FER: variants seen among roughly 807,000 people sequenced by gnomAD.
The protein encoded by FER is tyrosine-protein kinase Fer.
In FER, 63 loss-of-function variants were observed where a neutral mutation model predicts 111.0. The observed-to-expected ratio is 0.57, with a 90% CI of 0.46 to 0.70. FER has a LOEUF of 0.70. FER is among the 30% of genes least tolerant of loss of function. The pLI is 0.00. For missense variants in FER, 914 were observed against 954.0 expected (o/e 0.96, Z 0.55); for synonymous variants, 327 against 313.9 (o/e 1.04, Z -0.44).
At chr5:108,887,252 T>A (rs1011975867) in intron 9 of FER, among the ~76,000 whole-genome samples, 1 of 151,722 alleles carries the variant, frequency 6.6e-6, no homozygotes, top group African/African-American at 2.4e-5. Flanking sequence ...ACAGTATTTG[T>A]TGTATCAAAA....
chr5:109,021,302 C>A (rs1353801978), intron 13 of FER, among the ~76,000 whole-genome samples: 5 of 151,930 alleles, frequency 3.3e-5, no homozygotes, highest in African/African-American at 1.2e-4. Flanking sequence ...TGTTGACTTC[C>A]CTGTGTGAAG....
At chr5:109,049,971 A>C (rs1333590317) in intron 16 of FER, among the ~76,000 whole-genome samples, 1 of 152,228 alleles carries the variant, frequency 6.6e-6, no homozygotes, top group Non-Finnish European at 1.5e-5. Flanking sequence ...TCAGAATACA[A>C]GTTCTGAATT....
intron 19 of FER, among the ~76,000 whole-genome samples, chr5:109,187,189 A>G (rs1184975080): frequency 1.3e-5 from 2 of 152,240 alleles, no homozygotes; most frequent in African/African-American, 4.8e-5. Flanking sequence ...TGTATCTTAC[A>G]TCAGACTTTC....
chr5:108,853,639 C>G (rs1035709387), intron 5 of FER, among the ~76,000 whole-genome samples: 1 of 152,138 alleles, frequency 6.6e-6, no homozygotes, highest in Non-Finnish European at 1.5e-5. Context: ...ATTTGAAGAT[C>G]AGTACAGATA....
chr5:108,881,935 G>A (rs988696434), intron 8 of FER, among the ~76,000 whole-genome samples: 3 of 152,058 alleles, frequency 2.0e-5, no homozygotes, highest in Non-Finnish European at 4.4e-5. Flanking sequence ...ACATATGCAT[G>A]TATATGTATT....
At chr5:109,047,436 A>C (rs1272001283) in intron 16 of FER, among the ~76,000 whole-genome samples, 1 of 152,216 alleles carries the variant, frequency 6.6e-6, no homozygotes, top group Non-Finnish European at 1.5e-5. Context: ...GAATATAGTT[A>C]CACATGGAAT....
At chr5:108,845,191 A>T (rs930090598) in intron 5 of FER, among the ~76,000 whole-genome samples, 2 of 148,890 alleles carry the variant, frequency 1.3e-5, no homozygotes, top group Non-Finnish European at 1.5e-5. Flanking sequence ...TGTTTTTTTT[A>T]CATGGTGTCT....
At chr5:109,015,394 G>T (rs1489970546) in intron 13 of FER, among the ~76,000 whole-genome samples, 1 of 151,938 alleles carries the variant, frequency 6.6e-6, no homozygotes, top group Non-Finnish European at 1.5e-5. Flanking sequence ...AGAAGCAAAC[G>T]TGTGACTTTT....
At chr5:108,866,694 A>G (rs1360697380) in intron 5 of FER, among the ~76,000 whole-genome samples, 1 of 152,300 alleles carries the variant, frequency 6.6e-6, no homozygotes, top group African/African-American at 2.4e-5. Flanking sequence ...ATTAAAAAAA[A>G]AGATCTGTTT....
intron 13 of FER, among the ~76,000 whole-genome samples, chr5:109,023,962 C>T (rs932931015): frequency 6.6e-6 from 1 of 152,120 alleles, no homozygotes; most frequent in East Asian, 1.9e-4. Context: ...ATATGTTAGG[C>T]ACTGACTGAG....
At chr5:108,820,445 G>A in intron 3 of FER, 1 of 985,422 alleles carries the variant, frequency 1.0e-6, no homozygotes, top group Non-Finnish European at 1.2e-6. Flanking sequence ...AGAAGAACAA[G>A]AAAGGTGGCC....
intron 19 of FER, among the ~76,000 whole-genome samples, chr5:109,186,638 A>G (rs1758900083): frequency 6.6e-6 from 1 of 152,206 alleles, no homozygotes; most frequent in Non-Finnish European, 1.5e-5. Context: ...ATTCTATGCC[A>G]GATAAACCTC....
intron 13 of FER, among the ~76,000 whole-genome samples, chr5:108,998,252 G>A (rs1326266947): frequency 6.6e-6 from 1 of 151,696 alleles, no homozygotes; most frequent in Admixed American, 6.6e-5. Flanking sequence ...CCAGTCTTGT[G>A]GTTGAAACTC....
chr5:108,992,499 G>C lies in FER; in HGVS notation c.1656+33152G>C, dbSNP rs969596774. ...TCCCGGACGGGGTGGCTGGCCGGGCGGGGGGCTGACCCCCCACCTCCCTCC... is the reference window on the plus strand; with the variant it reads ...TCCCGGACGGGGTGGCTGGCCGGGCCGGGGGCTGACCCCCCACCTCCCTCC... On this transcript the variant is annotated intron_variant, in intron 13 of 19. Coordinates refer to ENST00000281092, the MANE Select transcript of FER (RefSeq NM_005246.4). 5.3e-5 allele frequency among the ~76,000 whole-genome samples: 7 copies of C among 131,510 alleles called. No individual in the cohort carries two copies. In the East Asian group the frequency reaches 8.1e-4, roughly 15 times the overall value. 86.3% of individuals were successfully genotyped at this position (131,510 alleles called of 152,430 possible). A position where few individuals can be genotyped will look rare whatever the true frequency, so the allele number is the denominator to read the frequency against.
chr5:108,836,205 TTATA>T (rs1391514984), intron 5 of FER, among the ~76,000 whole-genome samples: 2 of 152,128 alleles, frequency 1.3e-5, no homozygotes, highest in Non-Finnish European at 2.9e-5. Context: ...CCACATCATT[TTATA>T]GCATTATGTT....
At chr5:108,748,587 G>A (rs543531927) in intron 1 of FER, 3 of 152,386 alleles carry the variant, frequency 2.0e-5, no homozygotes, top group Non-Finnish European at 4.4e-5. Flanking sequence ...TTACCGAGGC[G>A]GGGAGAGCGG....
intron 16 of FER, among the ~76,000 whole-genome samples, chr5:109,060,907 G>C (rs1774335533): frequency 6.6e-6 from 1 of 151,814 alleles, no homozygotes; most frequent in African/African-American, 2.4e-5. Context: ...AATTGTCTGA[G>C]AGGAAAAAAA....
intron 17 of FER, among the ~76,000 whole-genome samples, chr5:109,165,443 T>TTCCTAGAAGATGTTAACCAAA (rs1756429615): frequency 6.6e-6 from 1 of 152,132 alleles, no homozygotes; most frequent in Admixed American, 6.5e-5. Context: ...CAAGAAGCAG[T>TTCCTAGAAGATGTTAACCAAA]TCCTAGAAGA....
At chr5:108,844,287 CTAATT>C (rs1761656650) in intron 5 of FER, among the ~76,000 whole-genome samples, 1 of 152,026 alleles carries the variant, frequency 6.6e-6, no homozygotes, top group African/African-American at 2.4e-5. Context: ...CAACACAACC[CTAATT>C]TAATATGCCC....
Sources: gnomAD v4.1 joint callset for allele counts (sites outside exome capture counted in the v4.1 genomes callset) on GRCh38, gnomAD v4.1.1 for gene constraint, MANE v1.5 for transcripts, NCBI Gene and HGNC (gene_info 2026-07-23, HGNC 2026-07-21) for gene names.